Variants in GALNT13 observed in about 807,000 individuals in gnomAD.
GALNT13 encodes UDP-GalNAc:polypeptide N-acetylgalactosaminyltransferase 13.
GALNT13 carries 28 observed loss-of-function variants against 64.2 expected under a neutral mutation model. The ratio of observed to expected loss-of-function variants is 0.44; its 90% CI spans 0.32 to 0.60. The LOEUF (loss-of-function observed/expected upper bound fraction) is 0.60, where lower values mean the gene tolerates loss of function less well. Among genes scored for constraint, GALNT13 ranks in the 20% least tolerant of loss-of-function variants. GALNT13 has a pLI of 0.05. For synonymous variants in GALNT13, 214 were observed against 224.6 expected (o/e 0.95, Z 0.42); for missense variants, 577 against 669.8 (o/e 0.86, Z 1.53).
intron 3 of GALNT13, among the ~76,000 whole-genome samples, chr2:154,087,233 A>G (rs1701575939): frequency 6.6e-6 from 1 of 151,918 alleles, no homozygotes; most frequent in South Asian, 2.1e-4. Flanking sequence ...CCAATTTTTC[A>G]GACTCTTCTG....
intron 9 of GALNT13, among the ~76,000 whole-genome samples, chr2:154,325,101 C>T (rs1052728145): frequency 3.3e-5 from 5 of 151,756 alleles, no homozygotes; most frequent in Admixed American, 6.6e-5. Context: ...AACCTTGGGG[C>T]ATCCTAGTTC....
the GALNT13 span, among the ~76,000 whole-genome samples, chr2:153,331,219 T>C: frequency 1.9e-5 from 2 of 104,698 alleles, no homozygotes; most frequent in East Asian, 2.0e-4. Context: ...ATCAGGGATA[T>C]TGGCCTATGT....
Position 154,438,524 on chromosome 2 carries a change from G to T in GALNT13, c.1396-68G>T, listed in dbSNP as rs1701112315. 7.5e-6 allele frequency: 9 copies of T among 1,208,044 alleles called. No individual in the cohort carries two copies. In the South Asian group the frequency reaches 1.2e-4, roughly 16 times the overall value. 74.8% of individuals were successfully genotyped at this position (1,208,044 alleles called of 1,614,324 possible). ...TTTATCTGATACGAAAGCTTCCCTGGATAGATCTGCTCTATTGTGACATTT... is the reference window on the plus strand; with the variant it reads ...TTTATCTGATACGAAAGCTTCCCTGTATAGATCTGCTCTATTGTGACATTT... On this transcript the variant is annotated intron_variant, in intron 11 of 12. Transcript: ENST00000392825.
chr2:154,333,134 T>C (rs1321377869), intron 9 of GALNT13, among the ~76,000 whole-genome samples: 1 of 152,038 alleles, frequency 6.6e-6, no homozygotes, highest in East Asian at 1.9e-4. Context: ...ATCTTTTTCT[T>C]TCTGTATTGC....
chr2:154,410,208 A>G (rs920773812), intron 11 of GALNT13, among the ~76,000 whole-genome samples: 1 of 151,966 alleles, frequency 6.6e-6, no homozygotes, highest in Admixed American at 6.6e-5. Flanking sequence ...ACTGATTCAT[A>G]ATGAATGTGA....
chr2:153,400,132 G>A, the GALNT13 span, among the ~76,000 whole-genome samples: 2 of 151,862 alleles, frequency 1.3e-5, no homozygotes, highest in African/African-American at 4.8e-5. Context: ...TTTTTAGCAT[G>A]AATGGTTGTT....
At chr2:154,009,917 G>A (rs962985746) in intron 3 of GALNT13, among the ~76,000 whole-genome samples, 9 of 143,762 alleles carry the variant, frequency 6.3e-5, no homozygotes, top group African/African-American at 2.4e-4. Context: ...GTTGTTTTGT[G>A]GTTATTGTGA....
At chr2:153,108,126 C>T in the GALNT13 span, among the ~76,000 whole-genome samples, 1 of 152,162 alleles carries the variant, frequency 6.6e-6, no homozygotes, top group African/African-American at 2.4e-5. Context: ...GATCCACCTG[C>T]CTTGGCCTCC....
chr2:153,398,535 A>G, the GALNT13 span, among the ~76,000 whole-genome samples: 35 of 151,932 alleles, frequency 2.3e-4, no homozygotes, highest in African/African-American at 7.5e-4. Context: ...TTACAGTTCC[A>G]CCAACAGTGT....
the GALNT13 span, among the ~76,000 whole-genome samples, chr2:153,139,521 T>C: frequency 2.0e-5 from 3 of 151,900 alleles, no homozygotes; most frequent in Non-Finnish European, 4.4e-5. Context: ...GGGAAAAGAT[T>C]GGCTGGGGCA....
chr2:153,996,747 A>C (rs1695549355), intron 3 of GALNT13, among the ~76,000 whole-genome samples: 1 of 152,086 alleles, frequency 6.6e-6, no homozygotes, highest in Non-Finnish European at 1.5e-5. Context: ...TTCTTCTTGA[A>C]TCAATTTTGT....
the GALNT13 span, among the ~76,000 whole-genome samples, chr2:153,402,882 C>G: frequency 2.6e-5 from 4 of 152,162 alleles, no homozygotes; most frequent in African/African-American, 9.7e-5. Flanking sequence ...AATGTCCTCC[C>G]GTCGCTCACA....
chr2:153,758,483 G>A, the GALNT13 span, among the ~76,000 whole-genome samples: 1 of 151,930 alleles, frequency 6.6e-6, no homozygotes, highest in African/African-American at 2.4e-5. Flanking sequence ...GTACTTTTTT[G>A]TGGTTTTATA....
chr2:153,431,941 A>G, the GALNT13 span, among the ~76,000 whole-genome samples: 1 of 152,222 alleles, frequency 6.6e-6, no homozygotes, highest in Non-Finnish European at 1.5e-5. Context: ...TGCAGCTGTA[A>G]TAGCTCCTAG....
At chr2:153,295,901 T>C in the GALNT13 span, among the ~76,000 whole-genome samples, 1 of 152,294 alleles carries the variant, frequency 6.6e-6, no homozygotes, top group South Asian at 2.1e-4. Context: ...TGAGAAACAA[T>C]TGGGACTTGG....
the GALNT13 span, among the ~76,000 whole-genome samples, chr2:153,098,921 G>A: frequency 6.6e-5 from 10 of 152,128 alleles, no homozygotes; most frequent in African/African-American, 2.4e-4. Flanking sequence ...AGAGTTGGAA[G>A]AAGACTTGGA....
At chr2:154,076,378 T>A (rs1274406871) in intron 3 of GALNT13, among the ~76,000 whole-genome samples, 1 of 151,672 alleles carries the variant, frequency 6.6e-6, no homozygotes, top group African/African-American at 2.4e-5. Flanking sequence ...CAGAAAGTAT[T>A]CTTGCACAAA....
chr2:154,008,712 C>T (rs1287064718), intron 3 of GALNT13, among the ~76,000 whole-genome samples: 6 of 152,062 alleles, frequency 3.9e-5, no homozygotes, highest in Non-Finnish European at 7.4e-5. Context: ...TGTTAGTTTG[C>T]TTAGGATAAT....
intron 2 of GALNT13, among the ~76,000 whole-genome samples, chr2:153,924,856 T>C (rs896080498): frequency 2.0e-5 from 3 of 152,212 alleles, no homozygotes; most frequent in Non-Finnish European, 4.4e-5. Flanking sequence ...ATGTATGTTT[T>C]CTTTTGAAAA....
Sources: gnomAD v4.1 joint callset for allele counts (sites outside exome capture counted in the v4.1 genomes callset) on GRCh38, gnomAD v4.1.1 for gene constraint, MANE v1.5 for transcripts, NCBI Gene and HGNC (gene_info 2026-07-23, HGNC 2026-07-21) for gene names.